Variants in FAH observed in about 807,000 individuals in gnomAD.
FAH encodes fumarylacetoacetase.
A neutral mutation model predicts 55.8 loss-of-function variants in FAH; 47 were observed. The ratio of observed to expected loss-of-function variants is 0.84; its 90% confidence interval spans 0.67 to 1.07. The LOEUF is 1.07. FAH is among the 50% of genes least tolerant of loss of function. The pLI is 0.00. For synonymous variants in FAH, 199 were observed against 207.7 expected, an observed-to-expected ratio of 0.96 and a Z score of 0.36; for missense variants, 495 against 545.9, an observed-to-expected ratio of 0.91 and a Z score of 0.93.
In FAH at chr15:80,172,244, G is replaced by A. The variant is rs765527687; in HGVS notation, c.702G>A (p.Trp234Ter). The change falls in exon 8 of 14, where the codon TGG becomes TGA. Residue 234 changes from tryptophan (W) to a stop codon, truncating the protein, a stop_gained. Coordinates refer to ENST00000561421, the MANE Select transcript of FAH (RefSeq NM_000137.4). LOFTEE classifies it high-confidence loss of function. ...TTGGAATGGTCCTTATGAACGACTG[G>A]AGTGGTAATTACTGGAGCTCTGCTC... ...HIFGMVLMND[W>*]SARDIQKWEY... 3.1e-6 allele frequency: 5 copies of A among 1,608,736 alleles called. No homozygotes were observed. The highest frequency in any genetic ancestry group is 4.3e-6 in the Non-Finnish European group (5 of 1,175,094).
intron 5 of FAH, among the ~76,000 whole-genome samples, chr15:80,166,630 A>ATT (rs1271095645): frequency 1.7e-5 from 2 of 116,572 alleles, no homozygotes; most frequent in African/African-American, 3.2e-5. Context: ...AGAGTTTTGC[A>ATT]TTTTCTTTTT....
intron 13 of FAH, among the ~76,000 whole-genome samples, chr15:80,183,292 A>G (rs1046729690): frequency 6.6e-6 from 1 of 152,244 alleles, no homozygotes; most frequent in East Asian, 1.9e-4. Flanking sequence ...AGAGGCATAC[A>G]TTATGTGTTC....
chr15:80,155,794 C>T (rs1276392065), intron 1 of FAH, among the ~76,000 whole-genome samples: 1 of 150,142 alleles, frequency 6.7e-6, no homozygotes, highest in Admixed American at 6.6e-5. Context: ...GGGACGGGGG[C>T]TCTTCCCTCT....
At chr15:80,153,984 T>C (rs1479514691) in intron 1 of FAH, among the ~76,000 whole-genome samples, 3 of 152,190 alleles carry the variant, frequency 2.0e-5, no homozygotes, top group Non-Finnish European at 1.5e-5. Flanking sequence ...TGGCTTCTTC[T>C]TGGAAAGTGG....
chr15:80,172,813 C>A (rs2041251933), intron 8 of FAH, among the ~76,000 whole-genome samples: 1 of 152,220 alleles, frequency 6.6e-6, no homozygotes, highest in Non-Finnish European at 1.5e-5. Context: ...TTTGCTGTAA[C>A]CTGGCACAGT....
At chr15:80,154,592 C>T (rs1305666267) in intron 1 of FAH, among the ~76,000 whole-genome samples, 4 of 152,246 alleles carry the variant, frequency 2.6e-5, no homozygotes, top group African/African-American at 4.8e-5. Flanking sequence ...ACATTCCAAC[C>T]GTGATGGCTG....
intron 10 of FAH, among the ~76,000 whole-genome samples, chr15:80,176,840 T>C (rs1007925557): frequency 6.6e-6 from 1 of 152,196 alleles, no homozygotes; most frequent in African/African-American, 2.4e-5. Context: ...GCAGTTCTGA[T>C]GTTCTGAGTT....
chr15:80,175,165 C>G (rs1473091754), intron 10 of FAH, 74 bp downstream of exon 10: 1 of 1,422,876 alleles, frequency 7.0e-7, no homozygotes, highest in Non-Finnish European at 9.9e-7. Flanking sequence ...CCTGAAGGCT[C>G]CTGAGCTTTG....
chr15:80,159,666 G>A, intron 2 of FAH, 90 bp from the exon 3 acceptor site: 1 of 1,490,802 alleles, frequency 6.7e-7, no homozygotes, highest in Non-Finnish European at 9.4e-7. Flanking sequence ...AGTGGCAAGG[G>A]CTGGCAGGCT....
chr15:80,171,426 T>C (rs1018398924), intron 7 of FAH, among the ~76,000 whole-genome samples: 5 of 152,234 alleles, frequency 3.3e-5, no homozygotes, highest in Non-Finnish European at 4.4e-5. Context: ...TTCTCACTCA[T>C]AGGTGGGAAT....
intron 13 of FAH, among the ~76,000 whole-genome samples, chr15:80,183,296 T>A (rs999114722): frequency 6.6e-6 from 1 of 152,214 alleles, no homozygotes; most frequent in Admixed American, 6.5e-5. Flanking sequence ...GCATACATTA[T>A]GTGTTCATAA....
At chr15:80,173,682 C>T (rs1205610295) in intron 9 of FAH, 6 of 236,292 alleles carry the variant, frequency 2.5e-5, no homozygotes, top group Non-Finnish European at 4.2e-5. Flanking sequence ...CAACACCTGG[C>T]CAGAGTCACC....
chr15:80,185,150 T>C (rs1006934868), intron 13 of FAH, among the ~76,000 whole-genome samples: 6 of 152,230 alleles, frequency 3.9e-5, no homozygotes, highest in Admixed American at 1.3e-4. Flanking sequence ...AGATAAGCGT[T>C]GTTTTTCTTG....
chr15:80,163,771 A>G (rs1185599946), intron 5 of FAH: 4 of 152,250 alleles, frequency 2.6e-5, no homozygotes, highest in Non-Finnish European at 4.4e-5. Flanking sequence ...TCATGCATCT[A>G]TCCTACAGAA....
intron 11 of FAH, 48 bp from the exon 12 acceptor site, chr15:80,180,076 A>C (rs758045368): frequency 1.2e-5 from 18 of 1,470,594 alleles, no homozygotes; most frequent in Non-Finnish European, 1.6e-5. Context: ...CCGGGATGCT[A>C]GGCTAAGCCT....
At chr15:80,160,212 G>A (rs2041136670) in intron 3 of FAH, 198 bp from the exon 4 acceptor site, 1 of 681,364 alleles carries the variant, frequency 1.5e-6, no homozygotes, top group South Asian at 1.6e-5. Flanking sequence ...CCATTTCCTA[G>A]GGTAGAATAT....
rs765292664 is a variant in FAH at position 80,186,281 on chromosome 15, G to A, written c.*72G>A. ...AACCCTGTGACTGGGGTCCTCCCTC[G>A]GGCTGTAGGCCTGGTCCGCCATTCA... On this transcript the variant is annotated 3_prime_UTR_variant, in exon 14 of 14. Coordinates refer to ENST00000561421, the MANE Select transcript of FAH (RefSeq NM_000137.4). 2.6e-4 allele frequency: 330 copies of A among 1,257,626 alleles called. No individual in the cohort carries two copies. The highest frequency in any genetic ancestry group is 2.7e-4 in the Non-Finnish European group (232 of 855,450). 77.9% of individuals were successfully genotyped at this position (1,257,626 alleles called of 1,614,324 possible).
intron 10 of FAH, among the ~76,000 whole-genome samples, chr15:80,176,020 CT>C (rs35856260): frequency 3.6e-4 from 55 of 151,552 alleles, no homozygotes; most frequent in Non-Finnish European, 5.3e-4. Context: ...TTCTTTTCTT[CT>C]TTTTTTTTCC....
chr15:80,180,066 C>A, intron 11 of FAH, 58 bp from the exon 12 acceptor site: 1 of 1,393,012 alleles, frequency 7.2e-7, no homozygotes. Flanking sequence ...CCAGCTGCCT[C>A]CGGGATGCTA....
Sources: gnomAD v4.1 joint callset for allele counts (sites outside exome capture counted in the v4.1 genomes callset) on GRCh38, gnomAD v4.1.1 for gene constraint, MANE v1.5 for transcripts, NCBI Gene and HGNC (gene_info 2026-07-23, HGNC 2026-07-21) for gene names.